Variants in STK32A observed in about 807,000 individuals in gnomAD.
The protein encoded by STK32A is serine/threonine-protein kinase 32A.
Under a neutral mutation model 53.2 loss-of-function variants are expected in STK32A, and 41 were observed. That is an observed-to-expected ratio of 0.77 (90% CI 0.60 to 1.00). The LOEUF (loss-of-function observed/expected upper bound fraction) is 1.00, where lower values mean the gene tolerates loss of function less well. STK32A is among the 50% of genes least tolerant of loss of function. The pLI, the probability that STK32A is intolerant of heterozygous loss-of-function variation, is 0.00. For synonymous variants in STK32A, 166 were observed against 162.8 expected (o/e 1.02, Z -0.15); for missense variants, 458 against 485.8 (o/e 0.94, Z 0.54).
At chr5:147,289,271 A>G (rs1228014042) in intron 4 of STK32A, among the ~76,000 whole-genome samples, 1 of 152,202 alleles carries the variant, frequency 6.6e-6, no homozygotes, top group Non-Finnish European at 1.5e-5. Context: ...TATTAGATTT[A>G]TCTTTACCAC....
chr5:147,395,897 T>TA, the STK32A span, among the ~76,000 whole-genome samples: 1 of 152,032 alleles, frequency 6.6e-6, no homozygotes, highest in Non-Finnish European at 1.5e-5. Flanking sequence ...GATGTGATGA[T>TA]AGAGTGACAA....
At chr5:147,394,682 C>A in the STK32A span, among the ~76,000 whole-genome samples, 134 of 144,726 alleles carry the variant, frequency 9.3e-4, 1 homozygote, top group African/African-American at 2.1e-3. Context: ...ACAACAACAA[C>A]AAAAAAAAAA....
chr5:147,338,763 C>A (rs1561731242), intron 5 of STK32A, among the ~76,000 whole-genome samples: 1 of 152,156 alleles, frequency 6.6e-6, no homozygotes, highest in Non-Finnish European at 1.5e-5. Flanking sequence ...TGACATTTTT[C>A]CCCTGCCATA....
intron 7 of STK32A, among the ~76,000 whole-genome samples, chr5:147,361,051 C>T (rs1158351459): frequency 2.6e-5 from 4 of 152,188 alleles, no homozygotes; most frequent in Admixed American, 6.5e-5. Flanking sequence ...GCAAGTGCTT[C>T]CCTTGCTGCT....
In STK32A at chr5:147,262,275, T is replaced by C. The variant is rs550750081; in HGVS notation, c.53-15849T>C. On this transcript the variant is annotated intron_variant, in intron 2 of 12. Coordinates refer to ENST00000397936, the MANE Select transcript of STK32A (RefSeq NM_001112724.2). ...TACCCTTCATATTTACTCATCCTCTTACTAATTTGACTCTTAAGATAATCC... is the reference window on the plus strand; with the variant it reads ...TACCCTTCATATTTACTCATCCTCTCACTAATTTGACTCTTAAGATAATCC... Among the ~76,000 whole-genome samples, 9 of 152,252 alleles carry C rather than the reference T, an allele frequency of 5.9e-5. No homozygotes were observed. In the East Asian group the frequency reaches 1.5e-3, roughly 26 times the overall value.
chr5:147,296,791 G>A (rs1291748609), intron 4 of STK32A, among the ~76,000 whole-genome samples: 3 of 152,154 alleles, frequency 2.0e-5, no homozygotes, highest in African/African-American at 2.4e-5. Flanking sequence ...CTTGGTGGAG[G>A]TTGGGGGTGA....
intron 8 of STK32A, among the ~76,000 whole-genome samples, chr5:147,370,133 AG>A (rs1466245204): frequency 6.6e-6 from 1 of 152,120 alleles, no homozygotes; most frequent in African/African-American, 2.4e-5. Context: ...CTGTGGAACC[AG>A]GGACTCATAG....
At chr5:147,323,776 T>C (rs1754436057) in intron 4 of STK32A, 122 bp from the exon 5 acceptor site, 2 of 775,408 alleles carry the variant, frequency 2.6e-6, no homozygotes, top group South Asian at 3.9e-5. Context: ...GACCACCTAC[T>C]CCCAAAGTCT....
In STK32A at chr5:147,373,280, G is replaced by A. The variant is rs781022807; in HGVS notation, c.889G>A (p.Gly297Ser). The A allele has an allele frequency of 6.2e-7, 1 of 1,613,228 alleles. No homozygotes were observed. Residue 297 changes from glycine to serine, a missense_variant, in exon 10 of 13, where the codon GGT (glycine) becomes AGT (serine). Physicochemically the swap from Gly to Ser is moderately conservative, Grantham distance 56. Coordinates refer to ENST00000397936, the MANE Select transcript of STK32A (RefSeq NM_001112724.2). ...DAVFQKRLIP[G>S]FIPNKGRLNC... is the part of the protein sequence containing the mutation. ...AGTTTTTCAGAAGAGGCTCATTCCA[G>A]GTTTCATTCCTAATGTGAGTCAATC...
intron 8 of STK32A, among the ~76,000 whole-genome samples, chr5:147,362,989 G>C (rs1232842980): frequency 6.6e-6 from 1 of 152,034 alleles, no homozygotes; most frequent in Non-Finnish European, 1.5e-5. Context: ...AGGTGGTTGA[G>C]GTGGGAGAAT....
At chr5:147,324,188 C>G in intron 5 of STK32A, 117 bp downstream of exon 5, 2 of 1,088,286 alleles carry the variant, frequency 1.8e-6, no homozygotes, top group Non-Finnish European at 2.6e-6. Flanking sequence ...ATTCTTGAAA[C>G]AGTACCCTGA....
At chr5:147,354,185 A>T (rs1756117816) in intron 7 of STK32A, among the ~76,000 whole-genome samples, 1 of 152,208 alleles carries the variant, frequency 6.6e-6, no homozygotes, top group South Asian at 2.1e-4. Flanking sequence ...CACTTCTAAA[A>T]TAATGGACAT....
In STK32A at chr5:147,385,671, G is replaced by A. The variant is rs1285191110; in HGVS notation, c.*1688G>A. 6.6e-6 allele frequency: 1 copy of A among 152,206 alleles called. No individual in the cohort carries two copies. The highest frequency in any genetic ancestry group is 2.4e-5 in the African/African-American group (1 of 41,454). The allele number at this position is 152,206 out of a possible 1,614,324, so 9.4% of individuals were successfully genotyped here. ...CACCTAAGTGAGACGTGCATATGAT[G>A]TAACTCCACTGTACAGATACACAGA... On this transcript the variant is annotated 3_prime_UTR_variant, in exon 13 of 13. Coordinates refer to ENST00000397936, the MANE Select transcript of STK32A (RefSeq NM_001112724.2).
At chr5:147,340,139 T>C (rs1162110801) in intron 5 of STK32A, among the ~76,000 whole-genome samples, 1 of 152,218 alleles carries the variant, frequency 6.6e-6, no homozygotes, top group African/African-American at 2.4e-5. Flanking sequence ...GCAGTGAGGA[T>C]GACCAGAGAT....
intron 7 of STK32A, 81 bp downstream of exon 7, chr5:147,351,235 C>T: frequency 8.2e-7 from 1 of 1,225,654 alleles, no homozygotes. Flanking sequence ...TGGGGATTTG[C>T]AGCTAGAACT....
chr5:147,264,018 A>G (rs1278015281), intron 2 of STK32A, among the ~76,000 whole-genome samples: 1 of 152,232 alleles, frequency 6.6e-6, no homozygotes, highest in African/African-American at 2.4e-5. Context: ...GGAAAGGTAG[A>G]AGATAAGAGC....
chr5:147,264,596 G>A (rs1016926265), intron 2 of STK32A, among the ~76,000 whole-genome samples: 7 of 152,238 alleles, frequency 4.6e-5, no homozygotes, highest in East Asian at 3.9e-4. Flanking sequence ...TGGAAATACC[G>A]AATATTGATC....
intron 1 of STK32A, among the ~76,000 whole-genome samples, chr5:147,238,435 G>T (rs1212131463): frequency 6.6e-6 from 1 of 152,090 alleles, no homozygotes; most frequent in Non-Finnish European, 1.5e-5. Flanking sequence ...TACATAACTG[G>T]GCCAAAGGCA....
chr5:147,255,668 T>C (rs1449959283), intron 2 of STK32A, among the ~76,000 whole-genome samples: 1 of 152,206 alleles, frequency 6.6e-6, no homozygotes, highest in African/African-American at 2.4e-5. Flanking sequence ...TACCCCTCTT[T>C]CTGCTACTAT....
Sources: allele counts gnomAD v4.1 joint callset (sites outside exome capture counted in the v4.1 genomes callset), GRCh38; gene constraint gnomAD v4.1.1; transcripts MANE v1.5; gene names NCBI Gene and HGNC (gene_info 2026-07-23, HGNC 2026-07-21).